MICU1: variants seen among roughly 807,000 people sequenced by gnomAD.
MICU1 encodes calcium uptake protein 1, mitochondrial.
A neutral mutation model predicts 56.8 loss-of-function variants in MICU1; 45 were observed. The ratio of observed to expected loss-of-function variants is 0.79; its 90% CI spans 0.62 to 1.02. The LOEUF (loss-of-function observed/expected upper bound fraction) is 1.02. MICU1 is among the 50% of genes least tolerant of loss of function. The pLI, the probability that MICU1 is intolerant of heterozygous loss-of-function variation, is 0.00. For missense variants in MICU1, 504 were observed against 587.1 expected, an observed-to-expected ratio of 0.86 and a Z score of 1.46; for synonymous variants, 186 against 195.1, an observed-to-expected ratio of 0.95 and a Z score of 0.39.
intron 1 of MICU1, among the ~76,000 whole-genome samples, chr10:72,619,568 A>G (rs1203756015): frequency 1.3e-5 from 2 of 152,232 alleles, no homozygotes; most frequent in African/African-American, 2.4e-5. Flanking sequence ...ATGATGATGA[A>G]TAAGACCCAG....
At chr10:72,436,490 A>C (rs1156625713) in intron 8 of MICU1, among the ~76,000 whole-genome samples, 1 of 152,210 alleles carries the variant, frequency 6.6e-6, no homozygotes, top group Non-Finnish European at 1.5e-5. Context: ...AATTCTAAAA[A>C]TCAGAGCGCA....
chr10:72,442,069 T>A (rs777149978), intron 8 of MICU1, among the ~76,000 whole-genome samples: 1 of 152,202 alleles, frequency 6.6e-6, no homozygotes, highest in East Asian at 1.9e-4. Context: ...AAAGAGGGTA[T>A]CCATTTTCAG....
intron 1 of MICU1, among the ~76,000 whole-genome samples, chr10:72,569,237 A>ATATATATATTTTTTTTTTTTTT: frequency 5.8e-5 from 2 of 34,380 alleles, no homozygotes; most frequent in African/African-American, 1.1e-4. Context: ...ATATATATAT[A>ATATATATATTTTTTTTTTTTTT]TTTTTTTTTT....
At chr10:72,541,821 A>G (rs1190601717) in intron 4 of MICU1, among the ~76,000 whole-genome samples, 1 of 152,208 alleles carries the variant, frequency 6.6e-6, no homozygotes, top group Non-Finnish European at 1.5e-5. Flanking sequence ...ACAGAGAAGC[A>G]TGAGCTAAAT....
intron 1 of MICU1, among the ~76,000 whole-genome samples, chr10:72,583,790 G>A (rs1392743484): frequency 1.3e-5 from 2 of 151,856 alleles, no homozygotes; most frequent in South Asian, 2.1e-4. Flanking sequence ...AATATTTCAA[G>A]TTCTTCATTG....
chr10:72,485,278 A>G (rs1349527340), intron 6 of MICU1, among the ~76,000 whole-genome samples: 1 of 151,926 alleles, frequency 6.6e-6, no homozygotes, highest in Non-Finnish European at 1.5e-5. Context: ...GGGGCTTGCT[A>G]TGTTGCCCGG....
At chr10:72,524,961 T>C (rs2065811) in intron 5 of MICU1, among the ~76,000 whole-genome samples, 94,813 of 151,638 alleles carry the variant, frequency 0.63, 31,141 homozygotes, top group African/African-American at 0.72. Flanking sequence ...GTCTCATTAC[T>C]GTTTCTATAT....
chr10:72,593,693 C>T (rs569594481), intron 1 of MICU1, among the ~76,000 whole-genome samples: 1 of 152,180 alleles, frequency 6.6e-6, no homozygotes, highest in African/African-American at 2.4e-5. Context: ...GATACAAAGT[C>T]AATATGCAAA....
chr10:72,611,065 G>A (rs956856518), intron 1 of MICU1, among the ~76,000 whole-genome samples: 1 of 152,148 alleles, frequency 6.6e-6, no homozygotes, highest in Non-Finnish European at 1.5e-5. Flanking sequence ...AGCACTTTGG[G>A]AGGCCGAGGC....
intron 8 of MICU1, among the ~76,000 whole-genome samples, chr10:72,432,128 C>T (rs1201467020): frequency 1.4e-5 from 2 of 141,986 alleles, no homozygotes; most frequent in African/African-American, 5.2e-5. Context: ...GGGTCTCACT[C>T]TGTCACCCAG....
intron 1 of MICU1, among the ~76,000 whole-genome samples, chr10:72,582,208 T>A (rs1432500824): frequency 6.6e-6 from 1 of 152,172 alleles, no homozygotes; most frequent in Non-Finnish European, 1.5e-5. Flanking sequence ...AGATTACAGG[T>A]GTGAGCCACC....
intron 1 of MICU1, among the ~76,000 whole-genome samples, chr10:72,587,071 A>C (rs939485707): frequency 2.0e-5 from 3 of 152,196 alleles, no homozygotes; most frequent in African/African-American, 7.2e-5. Flanking sequence ...CTTTGAGCAA[A>C]GGCAGTGAGC....
intron 8 of MICU1, among the ~76,000 whole-genome samples, chr10:72,431,094 G>GTCTGTCTGTCTATCTATCTATCTATCTA: frequency 7.1e-6 from 1 of 141,432 alleles, no homozygotes. Flanking sequence ...TTATCTGTCT[G>GTCTGTCTGTCTATCTATCTATCTATCTA]TCTATCTATC....
At chr10:72,599,555 C>T (rs866466596) in intron 1 of MICU1, among the ~76,000 whole-genome samples, 128 of 152,222 alleles carry the variant, frequency 8.4e-4, no homozygotes, top group African/African-American at 2.8e-3. Flanking sequence ...TTCAGCATCA[C>T]AGTGCTTATG....
intron 8 of MICU1, among the ~76,000 whole-genome samples, chr10:72,427,738 ATATATATATAT>A (rs1864394329): frequency 9.7e-5 from 2 of 20,606 alleles, no homozygotes; most frequent in East Asian, 5.2e-4. Context: ...TCTAAAATAT[ATATATATATAT>A]ATATATATAT....
intron 2 of MICU1, among the ~76,000 whole-genome samples, chr10:72,566,247 T>C (rs768834920): frequency 6.6e-6 from 1 of 152,116 alleles, no homozygotes; most frequent in Non-Finnish European, 1.5e-5. Context: ...GTTTTTGCCA[T>C]GTTGGCCAAG....
intron 8 of MICU1, among the ~76,000 whole-genome samples, chr10:72,439,445 T>C (rs1864847081): frequency 6.6e-6 from 1 of 152,146 alleles, no homozygotes; most frequent in Non-Finnish European, 1.5e-5. Context: ...GCCAATATCA[T>C]ATTGAATGGG....
intron 9 of MICU1, among the ~76,000 whole-genome samples, chr10:72,420,294 C>G (rs1864115676): frequency 6.6e-6 from 1 of 152,114 alleles, no homozygotes; most frequent in South Asian, 2.1e-4. Flanking sequence ...CTCCCAACCT[C>G]AGGTGATTTG....
At chr10:72,485,230 ATCGTT>A (rs1267438932) in intron 6 of MICU1, among the ~76,000 whole-genome samples, 36 of 97,090 alleles carry the variant, frequency 3.7e-4, no homozygotes, top group Non-Finnish European at 5.5e-4. Flanking sequence ...AGTTTAAATA[ATCGTT>A]TTGTTTTGTT....
Sources: gnomAD v4.1 joint callset for allele counts (sites outside exome capture counted in the v4.1 genomes callset) on GRCh38, gnomAD v4.1.1 for gene constraint, MANE v1.5 for transcripts, NCBI Gene and HGNC (gene_info 2026-07-23, HGNC 2026-07-21) for gene names.